ASIC2: variants seen among roughly 807,000 people sequenced by gnomAD.
The protein encoded by ASIC2 is acid-sensing ion channel 2.
A neutral mutation model predicts 57.3 loss-of-function variants in ASIC2; 25 were observed. The ratio of observed to expected loss-of-function variants is 0.44; its 90% CI spans 0.32 to 0.61. ASIC2 has a LOEUF of 0.61. Ranked by LOEUF, ASIC2 falls within the 20% of genes least tolerant of loss-of-function variation. ASIC2 has a pLI of 0.06. For synonymous variants in ASIC2, 319 were observed against 307.5 expected (o/e 1.04, Z -0.39); for missense variants, 641 against 738.1 (o/e 0.87, Z 1.52).
chr17:33,341,471 A>G (rs1567828539), intron 1 of ASIC2, among the ~76,000 whole-genome samples: 1 of 152,166 alleles, frequency 6.6e-6, no homozygotes, highest in South Asian at 2.1e-4. Flanking sequence ...AGCCACGCTC[A>G]TTTGTTTAGG....
In ASIC2 at chr17:33,111,987, C is replaced by G; in HGVS notation, c.789G>C (p.Gly263=). The change falls in exon 2 of 10, where the codon GGG becomes GGC. Residue 263 remains glycine, a synonymous_variant. Transcript: ENST00000225823. ...GKPLLTTVKG[G]TGNGLEIMLD... ...GCATGATCTCCAGCCCGTTGCCTGT[C>G]CCCCCCTTGACCGTGGTGAGCAGAG... 1.9e-6 allele frequency: 3 copies of G among 1,613,284 alleles called. No homozygotes were observed. The highest frequency in any genetic ancestry group is 2.2e-5 in the South Asian group (2 of 90,966).
At chr17:33,289,001 C>T (rs1386928199) in intron 1 of ASIC2, among the ~76,000 whole-genome samples, 2 of 152,132 alleles carry the variant, frequency 1.3e-5, no homozygotes, top group African/African-American at 2.4e-5. Flanking sequence ...GACAGGCCTG[C>T]TGTATATTTG....
At chr17:33,413,239 C>T (rs903740746) in intron 1 of ASIC2, among the ~76,000 whole-genome samples, 9 of 152,194 alleles carry the variant, frequency 5.9e-5, no homozygotes, top group African/African-American at 2.2e-4. Flanking sequence ...ACTTGAAAGC[C>T]TCAGCAGGGA....
intron 1 of ASIC2, among the ~76,000 whole-genome samples, chr17:34,025,421 C>T (rs1336431041): frequency 6.6e-6 from 1 of 152,178 alleles, no homozygotes; most frequent in Non-Finnish European, 1.5e-5. Flanking sequence ...AGTGTACACA[C>T]TTGTTACCCT....
At chr17:33,471,816 T>C (rs775256664) in intron 1 of ASIC2, among the ~76,000 whole-genome samples, 1 of 152,326 alleles carries the variant, frequency 6.6e-6, no homozygotes. Context: ...CAAATATCTA[T>C]TGAATAGTTT....
intron 1 of ASIC2, among the ~76,000 whole-genome samples, chr17:33,304,886 G>A (rs1044317543): frequency 2.6e-5 from 4 of 152,068 alleles, no homozygotes; most frequent in Non-Finnish European, 5.9e-5. Flanking sequence ...ACCCTTGGCT[G>A]GATCTCCATA....
At chr17:33,392,605 C>T (rs1251900907) in intron 1 of ASIC2, among the ~76,000 whole-genome samples, 1 of 152,024 alleles carries the variant, frequency 6.6e-6, no homozygotes, top group African/African-American at 2.4e-5. Flanking sequence ...CCCCTGACCT[C>T]CTCCCCTCTC....
chr17:34,152,722 C>T (rs533237300), intron 1 of ASIC2, among the ~76,000 whole-genome samples: 5 of 152,292 alleles, frequency 3.3e-5, no homozygotes, highest in East Asian at 1.9e-4. Context: ...CTAGAGAGGA[C>T]GCAAGATACA....
intron 1 of ASIC2, among the ~76,000 whole-genome samples, chr17:33,946,041 C>T (rs1904363698): frequency 6.6e-6 from 1 of 152,164 alleles, no homozygotes; most frequent in African/African-American, 2.4e-5. Flanking sequence ...TGCCACTGGG[C>T]AGGTGGATCA....
chr17:34,062,512 A>G (rs149328117), intron 1 of ASIC2, among the ~76,000 whole-genome samples: 80 of 152,302 alleles, frequency 5.3e-4, no homozygotes, highest in African/African-American at 1.9e-3. Context: ...GAAAGTAAAT[A>G]ACCAAGATCA....
At chr17:33,968,715 C>T (rs972267232) in intron 1 of ASIC2, among the ~76,000 whole-genome samples, 2 of 152,206 alleles carry the variant, frequency 1.3e-5, no homozygotes, top group Non-Finnish European at 2.9e-5. Context: ...GCCCCATTAC[C>T]GCCATGCCTT....
chr17:33,598,049 C>G (rs1488994863), intron 1 of ASIC2, among the ~76,000 whole-genome samples: 1 of 152,170 alleles, frequency 6.6e-6, no homozygotes, highest in Non-Finnish European at 1.5e-5. Flanking sequence ...TCCATGCTGA[C>G]AGGTTAAAAA....
intron 1 of ASIC2, among the ~76,000 whole-genome samples, chr17:33,342,971 G>T (rs17836780): frequency 6.6e-6 from 1 of 152,068 alleles, no homozygotes. Context: ...CACATCCAAG[G>T]GGCATATGTG....
intron 1 of ASIC2, among the ~76,000 whole-genome samples, chr17:34,087,031 CCATTTA>C (rs912834616): frequency 3.3e-5 from 5 of 152,004 alleles, no homozygotes. Context: ...AGCATTTAGT[CCATTTA>C]CATTTAAAGT....
chr17:33,266,594 T>A (rs1367959753), intron 1 of ASIC2, among the ~76,000 whole-genome samples: 1 of 126,542 alleles, frequency 7.9e-6, no homozygotes, highest in Non-Finnish European at 1.6e-5. Context: ...TGTCCAGTAG[T>A]CTGAGCTGTG....
intron 1 of ASIC2, among the ~76,000 whole-genome samples, chr17:34,067,212 G>A (rs1381101232): frequency 6.6e-6 from 1 of 152,196 alleles, no homozygotes. Context: ...TACTAGGGCT[G>A]ACATTGCTTG....
intron 1 of ASIC2, among the ~76,000 whole-genome samples, chr17:33,702,314 G>A (rs1908728887): frequency 6.6e-6 from 1 of 152,098 alleles, no homozygotes; most frequent in Non-Finnish European, 1.5e-5. Context: ...TTAGAGGGGG[G>A]GTATCACTGA....
At chr17:34,030,413 C>T (rs1247872248) in intron 1 of ASIC2, among the ~76,000 whole-genome samples, 3 of 152,260 alleles carry the variant, frequency 2.0e-5, no homozygotes, top group Admixed American at 6.5e-5. Flanking sequence ...CTCCGGTCTA[C>T]AGCTCCCAGC....
intron 1 of ASIC2, among the ~76,000 whole-genome samples, chr17:33,909,117 T>C (rs1419289452): frequency 1.3e-5 from 2 of 152,106 alleles, no homozygotes; most frequent in Non-Finnish European, 2.9e-5. Context: ...CTATCTTCCA[T>C]GATAATTGGG....
Sources: allele counts gnomAD v4.1 joint callset (sites outside exome capture counted in the v4.1 genomes callset), GRCh38; gene constraint gnomAD v4.1.1; transcripts MANE v1.5; gene names NCBI Gene and HGNC (gene_info 2026-07-23, HGNC 2026-07-21).